The following DLGAP2 variants were observed in gnomAD, a reference collection of about 807,000 sequenced individuals.
DLGAP2 encodes the protein DLG associated protein 2, also known as disks large-associated protein 2.
A neutral mutation model predicts 100.3 loss-of-function variants in DLGAP2; 26 were observed. The observed-to-expected ratio is 0.26, with a 90% confidence interval of 0.19 to 0.36. The LOEUF is 0.36. Among genes scored for constraint, DLGAP2 ranks in the 10% least tolerant of loss-of-function variants. The pLI, the probability that DLGAP2 is intolerant of heterozygous loss-of-function variation, is 1.00. For synonymous variants in DLGAP2, 886 were observed against 630.1 expected, an observed-to-expected ratio of 1.41 and a Z score of -6.08; for missense variants, 1,858 against 1,453.2, an observed-to-expected ratio of 1.28 and a Z score of -4.53.
chr8:757,839 C>G (rs79119353), intron 1 of DLGAP2, among the ~76,000 whole-genome samples: 8 of 152,152 alleles, frequency 5.3e-5, no homozygotes, highest in Admixed American at 2.6e-4. Flanking sequence ...AGTCTCCTCT[C>G]GTGTATTTTA....
At chr8:774,697 C>T (rs1821463516) in intron 1 of DLGAP2, among the ~76,000 whole-genome samples, 1 of 151,712 alleles carries the variant, frequency 6.6e-6, no homozygotes, top group Non-Finnish European at 1.5e-5. Flanking sequence ...TGTTCTGTTC[C>T]ATTGATCTAT....
chr8:752,359 G>GT (rs1820813316), intron 1 of DLGAP2, among the ~76,000 whole-genome samples: 1 of 152,186 alleles, frequency 6.6e-6, no homozygotes, highest in South Asian at 2.1e-4. Context: ...CCAGCCTAGT[G>GT]TGCCCGGGCC....
chr8:1,429,868 CCATT>C (rs1474566487), intron 3 of DLGAP2, among the ~76,000 whole-genome samples: 1 of 150,434 alleles, frequency 6.6e-6, no homozygotes, highest in African/African-American at 2.4e-5. Flanking sequence ...GGTGATCTGG[CCATT>C]CATTGTGGAG....
chr8:766,520 C>G (rs906114742), intron 1 of DLGAP2, among the ~76,000 whole-genome samples: 3 of 152,196 alleles, frequency 2.0e-5, no homozygotes, highest in Admixed American at 6.5e-5. Flanking sequence ...TGAATTACAG[C>G]TGGTGCCTCT....
chr8:1,474,115 A>T (rs949223386), intron 3 of DLGAP2, among the ~76,000 whole-genome samples: 16 of 152,098 alleles, frequency 1.1e-4, no homozygotes, highest in African/African-American at 3.9e-4. Flanking sequence ...TCCCTCTTAC[A>T]AGCAAGAACA....
chr8:1,204,105 G>C (rs1172114863), intron 2 of DLGAP2, among the ~76,000 whole-genome samples: 5 of 152,256 alleles, frequency 3.3e-5, no homozygotes, highest in African/African-American at 9.6e-5. Flanking sequence ...CCTGAATTCT[G>C]CATCTCTGAA....
chr8:1,280,103 G>T (rs1298011392), intron 3 of DLGAP2, among the ~76,000 whole-genome samples: 2 of 152,136 alleles, frequency 1.3e-5, no homozygotes, highest in South Asian at 2.1e-4. Flanking sequence ...AATGCTCTTG[G>T]GACCTTAACT....
intron 2 of DLGAP2, among the ~76,000 whole-genome samples, chr8:1,028,881 G>T (rs983762598): frequency 6.6e-6 from 1 of 152,210 alleles, no homozygotes; most frequent in African/African-American, 2.4e-5. Flanking sequence ...GACAATGGCG[G>T]GATGTGGAGG....
chr8:1,530,003 T>G (rs991649318), intron 4 of DLGAP2, among the ~76,000 whole-genome samples: 4 of 152,164 alleles, frequency 2.6e-5, no homozygotes, highest in African/African-American at 9.7e-5. Flanking sequence ...GGAGGCAGGG[T>G]GAGATCACAG....
intron 8 of DLGAP2, among the ~76,000 whole-genome samples, chr8:1,666,925 C>T (rs193240468): frequency 6.6e-6 from 1 of 152,162 alleles, no homozygotes; most frequent in African/African-American, 2.4e-5. Context: ...GGCAGCTGCT[C>T]TCGGGCACCG....
chr8:1,687,815 G>C (rs2130870579), intron 12 of DLGAP2, among the ~76,000 whole-genome samples: 1 of 152,316 alleles, frequency 6.6e-6, no homozygotes, highest in South Asian at 2.1e-4. Flanking sequence ...GTTTGAGGAA[G>C]CATAGAGTTG....
At chr8:955,926 C>T (rs117726568) in intron 2 of DLGAP2, among the ~76,000 whole-genome samples, 9,141 of 152,214 alleles carry the variant, frequency 0.06, 380 homozygotes, top group Admixed American at 0.1. Flanking sequence ...ACACAGACAG[C>T]AGCCCAGACC....
At chr8:1,051,350 T>C (rs981367939) in intron 2 of DLGAP2, among the ~76,000 whole-genome samples, 2 of 152,070 alleles carry the variant, frequency 1.3e-5, no homozygotes, top group Admixed American at 6.5e-5. Context: ...CTGCATCTTC[T>C]CTCCATACAA....
chr8:1,358,977 A>T (rs1801916688), intron 3 of DLGAP2, among the ~76,000 whole-genome samples: 1 of 152,088 alleles, frequency 6.6e-6, no homozygotes, highest in Middle Eastern at 3.2e-3. Context: ...CGGGTCTGAA[A>T]CTTCCCTGCA....
At chr8:1,650,597 G>T (rs111526646) in intron 8 of DLGAP2, among the ~76,000 whole-genome samples, 11 of 152,252 alleles carry the variant, frequency 7.2e-5, no homozygotes, top group Non-Finnish European at 1.6e-4. Flanking sequence ...TCCAGAAAAA[G>T]ATACTGGGTG....
chr8:1,654,016 T>C (rs376072870), intron 8 of DLGAP2, among the ~76,000 whole-genome samples: 19 of 152,222 alleles, frequency 1.2e-4, no homozygotes, highest in African/African-American at 4.3e-4. Context: ...GACGGATCAA[T>C]GTCTGCGCAC....
At chr8:1,365,044 G>A (rs1317177675) in intron 3 of DLGAP2, among the ~76,000 whole-genome samples, 1 of 152,212 alleles carries the variant, frequency 6.6e-6, no homozygotes, top group African/African-American at 2.4e-5. Context: ...CCTGGCAGAA[G>A]ATTTACGACT....
At position 1,143,068 on chromosome 8, in the gene DLGAP2, C is replaced by T. The variant is rs112607652; in HGVS notation, c.74-115783C>T. Among the ~76,000 whole-genome samples the T allele has an allele frequency of 2.4e-4, 36 of 152,276 alleles. No individual in the cohort carries two copies. The South Asian group carries it at 4.4e-3, about 18-fold the overall frequency. On this transcript the variant is annotated intron_variant, in intron 2 of 14. Coordinates refer to ENST00000637795, the MANE Select transcript of DLGAP2 (RefSeq NM_001346810.2). ...CAGGGGCCTCAGGGTGTGGGACTGC[C>T]GGCCACAGCGGGGCCACCAGCTGCT... is the stretch of plus-strand genomic sequence containing the variant.
chr8:750,194 C>T (rs1036345368), intron 1 of DLGAP2, among the ~76,000 whole-genome samples: 1 of 152,226 alleles, frequency 6.6e-6, no homozygotes, highest in Non-Finnish European at 1.5e-5. Flanking sequence ...GTCTGGAGGC[C>T]GTTGCCAGAG....
Sources: allele counts gnomAD v4.1 joint callset (sites outside exome capture counted in the v4.1 genomes callset), GRCh38; gene constraint gnomAD v4.1.1; transcripts MANE v1.5; gene names NCBI Gene and HGNC (gene_info 2026-07-23, HGNC 2026-07-21).